The following CNKSR2 variants were observed in gnomAD, a reference collection of about 807,000 sequenced individuals.
CNKSR2 encodes connector enhancer of kinase suppressor of Ras 2, also known as CNK homolog protein 2.
A neutral mutation model predicts 84.4 loss-of-function variants in CNKSR2; 14 were observed. That is an observed-to-expected ratio of 0.17 (90% confidence interval 0.11 to 0.26). The LOEUF is 0.26. CNKSR2 is among the 10% of genes least tolerant of loss of function. The pLI is 1.00. For synonymous variants in CNKSR2, 275 were observed against 277.9 expected, an observed-to-expected ratio of 0.99 and a Z score of 0.10; for missense variants, 485 against 771.2, an observed-to-expected ratio of 0.63 and a Z score of 4.40.
intron 1 of CNKSR2, among the ~76,000 whole-genome samples, chrX:21,389,004 G>A (rs1342683010): frequency 1.8e-5 from 2 of 108,443 alleles, no homozygotes; most frequent in African/African-American, 3.4e-5. Flanking sequence ...ATGATATGAT[G>A]AGAATGGTTC....
At chrX:21,494,047 C>CA (rs1413287621) in intron 6 of CNKSR2, 1 of 110,623 alleles carries the variant, frequency 9.0e-6, no homozygotes, top group Non-Finnish European at 1.9e-5. Context: ...ATAAATTGTA[C>CA]AATGTTGTCA....
At chrX:21,439,196 A>T (rs2090750100) in intron 3 of CNKSR2, among the ~76,000 whole-genome samples, 1 of 111,328 alleles carries the variant, frequency 9.0e-6, no homozygotes, top group Non-Finnish European at 1.9e-5. Context: ...ACAAAATTCA[A>T]CAAGTTTAAA....
chrX:21,384,915 A>G (rs1268298593), intron 1 of CNKSR2, among the ~76,000 whole-genome samples: 2 of 111,788 alleles, frequency 1.8e-5, no homozygotes, highest in African/African-American at 3.3e-5. Context: ...AGGGAGAGTT[A>G]TTAACACCTT....
chrX:21,534,865 T>G (rs1023327682), intron 11 of CNKSR2, among the ~76,000 whole-genome samples: 3 of 111,374 alleles, frequency 2.7e-5, no homozygotes, highest in African/African-American at 9.8e-5. Flanking sequence ...TTTCCTTTGC[T>G]CTACATAAGA....
At chrX:21,451,412 G>A (rs1267338527) in intron 4 of CNKSR2, among the ~76,000 whole-genome samples, 4 of 110,113 alleles carry the variant, frequency 3.6e-5, no homozygotes, top group East Asian at 2.9e-4. Context: ...TGTTTATTGC[G>A]GCACTATTCA....
chrX:21,600,846 A>G (rs768994260), intron 17 of CNKSR2, among the ~76,000 whole-genome samples: 1 of 112,602 alleles, frequency 8.9e-6, no homozygotes, highest in South Asian at 3.6e-4. Context: ...TGATTTCATA[A>G]TAAAACTATT....
chrX:21,585,525 A>G (rs1004878386), intron 13 of CNKSR2, among the ~76,000 whole-genome samples: 1 of 109,587 alleles, frequency 9.1e-6, no homozygotes, highest in Non-Finnish European at 1.9e-5. Flanking sequence ...AAAGAGTTAA[A>G]GTTGACTCCA....
intron 9 of CNKSR2, among the ~76,000 whole-genome samples, chrX:21,517,363 C>T (rs960382405): frequency 9.1e-6 from 1 of 110,383 alleles, no homozygotes; most frequent in African/African-American, 3.3e-5. Context: ...CCAGCTTGGG[C>T]AACAGAGACT....
intron 10 of CNKSR2, among the ~76,000 whole-genome samples, chrX:21,528,387 T>C (rs745659004): frequency 9.0e-6 from 1 of 111,633 alleles, no homozygotes; most frequent in Admixed American, 9.5e-5. Context: ...TTCAGAGGGC[T>C]ACATACACAG....
At chrX:21,636,865 T>A (rs1308713981) in intron 20 of CNKSR2, among the ~76,000 whole-genome samples, 2 of 111,209 alleles carry the variant, frequency 1.8e-5, no homozygotes, top group Non-Finnish European at 3.8e-5. Context: ...TCTATAAAAA[T>A]TAATTATTTC....
chrX:21,630,714 C>CATATAT (rs60545799), intron 20 of CNKSR2, among the ~76,000 whole-genome samples: 12 of 108,578 alleles, frequency 1.1e-4, no homozygotes, highest in Non-Finnish European at 2.3e-4. Flanking sequence ...CACACACATA[C>CATATAT]ATATATATAT....
Position 21,420,467 on chromosome X carries a change from G to A in CNKSR2, c.65-6030G>A, listed in dbSNP as rs185409428. On this transcript the variant is annotated intron_variant, in intron 1 of 21. Coordinates refer to ENST00000379510, the MANE Select transcript of CNKSR2 (RefSeq NM_014927.5). The stretch of plus-strand genomic sequence containing the variant: ...CTTTTTCTTCTGCTTTTTTGAAGCA[G>A]AAGGAATTGTGCCCCGTAGTCAACC... 4.4e-4 allele frequency among the ~76,000 whole-genome samples: 49 copies of A among 112,155 alleles called. No homozygotes were observed. The East Asian group carries it at 0.012, about 27-fold the overall frequency.
chrX:21,386,845 A>G lies in CNKSR2; in HGVS notation c.64+11884A>G, dbSNP rs183011174. On this transcript the variant is annotated intron_variant, in intron 1 of 21. Transcript: ENST00000379510. ...AATTGTGAACTGTGGTAGATTACCAACCACTTTGAAGTTACCTTAGTCTTG... is the reference window on the plus strand; with the variant it reads ...AATTGTGAACTGTGGTAGATTACCAGCCACTTTGAAGTTACCTTAGTCTTG... Among the ~76,000 whole-genome samples the G allele has an allele frequency of 2.4e-3, 271 of 112,162 alleles. 2 individuals are homozygous for G. In the South Asian group the frequency reaches 0.046, roughly 19 times the overall value.
intron 4 of CNKSR2, among the ~76,000 whole-genome samples, chrX:21,469,341 C>G (rs761210974): frequency 8.9e-6 from 1 of 111,837 alleles, no homozygotes; most frequent in Admixed American, 9.5e-5. Context: ...TTAAGTATTT[C>G]TGTGAATTTT....
chrX:21,612,339 C>T (rs767318437), intron 20 of CNKSR2, among the ~76,000 whole-genome samples: 33 of 112,082 alleles, frequency 2.9e-4, no homozygotes, highest in Non-Finnish European at 5.4e-4. Flanking sequence ...CAACACAGAG[C>T]GCTTACTGTG....
intron 1 of CNKSR2, among the ~76,000 whole-genome samples, chrX:21,384,793 G>A (rs1461773874): frequency 6.3e-5 from 7 of 111,553 alleles, no homozygotes. Context: ...TTTATTTTTT[G>A]GAGTATTTTC....
intron 1 of CNKSR2, among the ~76,000 whole-genome samples, chrX:21,387,473 C>T (rs1332997630): frequency 9.0e-6 from 1 of 111,455 alleles, no homozygotes; most frequent in Non-Finnish European, 1.9e-5. Context: ...TAGAGTGAGA[C>T]CTTGTCTCCA....
intron 5 of CNKSR2, among the ~76,000 whole-genome samples, chrX:21,485,578 A>C (rs1183983345): frequency 9.0e-6 from 1 of 110,902 alleles, no homozygotes; most frequent in Non-Finnish European, 1.9e-5. Flanking sequence ...AAACTACCTG[A>C]GAAAAAAAAC....
At chrX:21,652,215 G>C (rs907939210) in intron 21 of CNKSR2, 91 bp from the exon 22 acceptor site, 1 of 719,293 alleles carries the variant, frequency 1.4e-6, no homozygotes. Context: ...TCTCCTATGG[G>C]CTTCTTAAAT....
Sources: gnomAD v4.1 joint callset for allele counts (sites outside exome capture counted in the v4.1 genomes callset) on GRCh38, gnomAD v4.1.1 for gene constraint, MANE v1.5 for transcripts, NCBI Gene and HGNC (gene_info 2026-07-23, HGNC 2026-07-21) for gene names.